The following JAKMIP1 variants were observed in gnomAD, a reference collection of about 807,000 sequenced individuals.
JAKMIP1 encodes the protein janus kinase and microtubule interacting protein 1.
In JAKMIP1, 33 loss-of-function variants were observed where a neutral mutation model predicts 113.0. That is an observed-to-expected ratio of 0.29 (90% CI 0.22 to 0.39). JAKMIP1 has a LOEUF of 0.39. Among genes scored for constraint, JAKMIP1 ranks in the 10% least tolerant of loss-of-function variants. The pLI is 1.00. For missense variants in JAKMIP1, 813 were observed against 1,080.5 expected, an observed-to-expected ratio of 0.75 and a Z score of 3.47; for synonymous variants, 480 against 459.9, an observed-to-expected ratio of 1.04 and a Z score of -0.56.
Position 6,049,720 on chromosome 4 carries a change from A to C in JAKMIP1, c.1962+99T>G. 1 of 886,908 alleles carries C rather than the reference A, an allele frequency of 1.1e-6. No homozygotes were observed. Among genetic ancestry groups the C allele is most frequent in the South Asian group, 1.5e-5 (1 of 67,510 alleles). The allele number at this position is 886,908 out of a possible 1,614,324, so 54.9% of individuals were successfully genotyped here. A position where few individuals can be genotyped will look rare whatever the true frequency, so the allele number is the denominator to read the frequency against. On this transcript the variant is annotated intron_variant, in intron 15 of 20. Coordinates refer to ENST00000409021, the MANE Select transcript of JAKMIP1 (RefSeq NM_001099433.2). The surrounding 1 kb of genome is among the most constrained non-coding windows in gnomAD (Gnocchi z 7.0). ...ACATTGTACTTCTTAGATCTCTTACATCAGAGAGAAATTAAAAACAAAACA... is the reference window on the plus strand; with the variant it reads ...ACATTGTACTTCTTAGATCTCTTACCTCAGAGAGAAATTAAAAACAAAACA...
At position 6,105,617 on chromosome 4, in the gene JAKMIP1, T is replaced by C. The variant is rs1480714219; in HGVS notation, c.480A>G (p.Ala160=). The C allele has an allele frequency of 1.3e-6, 2 of 1,595,372 alleles. No individual in the cohort carries two copies. Among genetic ancestry groups the C allele is most frequent in the Non-Finnish European group, 1.7e-6 (2 of 1,171,386 alleles). ...GCGCCTCCTCTGCCTGCTTGCGCGC[T>C]GCCTTGAGCTCCAGGATCTCCTGCT... ...RLQQEILELK[A]ARKQAEEALS... Residue 160 remains alanine (A), a synonymous_variant, in exon 3 of 21, where the codon GCA becomes GCG. Coordinates refer to ENST00000409021, the MANE Select transcript of JAKMIP1 (RefSeq NM_001099433.2).
chr4:6,045,336 G>A lies in JAKMIP1; in HGVS notation c.2029-3109C>T, dbSNP rs11935825. 2.6e-3 allele frequency among the ~76,000 whole-genome samples: 391 copies of A among 152,336 alleles called. 1 individual carries two copies. Among genetic ancestry groups the A allele is most frequent in the African/African-American group, 8.3e-3 (344 of 41,566 alleles). ...AACCCTCCAATGTCTCATGGTTCAG[G>A]TTCTCTGTGGGGCACGTGCCATGTG... On this transcript the variant is annotated intron_variant, in intron 16 of 20. Transcript: ENST00000409021.
In JAKMIP1 at chr4:6,044,592, T is replaced by C. The variant is rs912778190; in HGVS notation, c.2029-2365A>G. 6.6e-6 allele frequency among the ~76,000 whole-genome samples: 1 copy of C among 152,214 alleles called. No individual in the cohort carries two copies. The highest frequency in any genetic ancestry group is 2.4e-5 in the African/African-American group (1 of 41,442). On this transcript the variant is annotated intron_variant, in intron 16 of 20. Transcript: ENST00000409021. This position sits in a 1 kb window ranked among gnomAD's most constrained non-coding sequence, Gnocchi z 4.4. ...ATGGGGAGTTACAGGTATTTCAGTTTTAATATCCTCATGCAAGCAGTCATA... is the reference window on the plus strand; with the variant it reads ...ATGGGGAGTTACAGGTATTTCAGTTCTAATATCCTCATGCAAGCAGTCATA...
At position 6,156,034 on chromosome 4, in the gene JAKMIP1, T is replaced by G. The variant is rs1276170840; in HGVS notation, c.-147-43037A>C. On this transcript the variant is annotated intron_variant, in intron 1 of 20. Transcript: ENST00000409021. This position sits in a 1 kb window ranked among gnomAD's most constrained non-coding sequence, Gnocchi z 5.0. ...GTGCGTAGAACAGTGCCCAGCACAATAATGGATCTTCAAGAAATATTTGGT... is the reference window on the plus strand; with the variant it reads ...GTGCGTAGAACAGTGCCCAGCACAAGAATGGATCTTCAAGAAATATTTGGT... Among the ~76,000 whole-genome samples the G allele has an allele frequency of 6.6e-6, 1 of 152,230 alleles. No individual in the cohort carries two copies. The highest frequency in any genetic ancestry group is 2.1e-4 in the South Asian group (1 of 4,832).
In JAKMIP1 at chr4:6,085,032, G is replaced by C. The variant is rs890599485; in HGVS notation, c.835-67C>G. The C allele has an allele frequency of 2.2e-5, 33 of 1,500,674 alleles. No homozygotes were observed. In the African/African-American group the frequency reaches 4.8e-4, roughly 22 times the overall value. The allele number at this position is 1,500,674 out of a possible 1,614,324, so 93.0% of individuals were successfully genotyped here. ...ATGTACTTTGAAGAAGTTGTGTGGA[G>C]CCTTCTTAGAAAATTCACATGACAT... On this transcript the variant is annotated intron_variant, in intron 4 of 20. Transcript: ENST00000409021.
At chr4:6,134,722 G>A (rs1046288371) in intron 1 of JAKMIP1, among the ~76,000 whole-genome samples, 2 of 152,206 alleles carry the variant, frequency 1.3e-5, no homozygotes, top group African/African-American at 4.8e-5. Flanking sequence ...CAGCTCTTGA[G>A]TGCCTGTGAA....
At position 6,143,346 on chromosome 4, in the gene JAKMIP1, G is replaced by A. The variant is rs1217682424; in HGVS notation, c.-147-30349C>T. 6.6e-6 allele frequency among the ~76,000 whole-genome samples: 1 copy of A among 152,212 alleles called. No homozygotes were observed. The highest frequency in any genetic ancestry group is 1.5e-5 in the Non-Finnish European group (1 of 68,044). The stretch of plus-strand genomic sequence containing the variant: ...TCAGCCAATTCTGGGATCTGGGTGT[G>A]GGAAGCCTCCTTTGCCATCAGCAAG... On this transcript the variant is annotated intron_variant, in intron 1 of 20. Transcript: ENST00000409021. The surrounding 1 kb of genome is among the most constrained non-coding windows in gnomAD (Gnocchi z 4.9).
rs1715596747 is a variant in JAKMIP1, at chr4:6,051,054, G to C, written c.1807-375C>G. On this transcript the variant is annotated intron_variant, in intron 13 of 20. Coordinates refer to ENST00000409021, the MANE Select transcript of JAKMIP1 (RefSeq NM_001099433.2). This position sits in a 1 kb window ranked among gnomAD's most constrained non-coding sequence, Gnocchi z 5.0. ...AACTATGGTTTATTACTCTGTGCCAGGCACACCACTCTCCCGTCTAATCCT... is the reference window on the plus strand; with the variant it reads ...AACTATGGTTTATTACTCTGTGCCACGCACACCACTCTCCCGTCTAATCCT... Among the ~76,000 whole-genome samples the C allele has an allele frequency of 6.6e-6, 1 of 152,190 alleles. No homozygotes were observed. The highest frequency in any genetic ancestry group is 2.4e-5 in the African/African-American group (1 of 41,456).
In JAKMIP1 at chr4:6,076,945, G is replaced by A. The variant is rs910404702; in HGVS notation, c.1302+1994C>T. Among the ~76,000 whole-genome samples the A allele has an allele frequency of 6.6e-6, 1 of 152,170 alleles. No homozygotes were observed. The highest frequency in any genetic ancestry group is 1.5e-5 in the Non-Finnish European group (1 of 68,030). ...ATTTCCCTGGCCTCATGTTGGTGCT[G>A]AGAAAGTTTCAGATTTTGGAGCATT... On this transcript the variant is annotated intron_variant, in intron 8 of 20. Transcript: ENST00000409021. The surrounding 1 kb of genome is among the most constrained non-coding windows in gnomAD (Gnocchi z 4.8).
intron 1 of JAKMIP1, among the ~76,000 whole-genome samples, chr4:6,149,262 A>G (rs982812462): frequency 1.1e-4 from 16 of 152,236 alleles, no homozygotes; most frequent in Non-Finnish European, 2.1e-4. Flanking sequence ...CAAATAAAAA[A>G]TGTGAGAGTT....
chr4:6,060,467 G>A lies in JAKMIP1; in HGVS notation c.1601C>T (p.Ala534Val), dbSNP rs1186926100. 3 of 1,614,102 alleles carry A rather than the reference G, an allele frequency of 1.9e-6. No individual in the cohort carries two copies. Among genetic ancestry groups the A allele is most frequent in the Non-Finnish European group, 2.5e-6 (3 of 1,179,990 alleles). ...TAACTTCTCCAAATCTTCGATTTTG[G>A]CCTGACACCTCAGCAGATCAGCTTG... Reference protein sequence around the residue: ...QLQADLLRCQAKIEDLEKLLV... With the variant: ...QLQADLLRCQVKIEDLEKLLV... The change falls in exon 11 of 21, where the codon GCC becomes GTC. Residue 534 changes from alanine to valine, a missense_variant. Transcript: ENST00000409021.
At chr4:6,085,973 G>A (rs966798180) in intron 3 of JAKMIP1, among the ~76,000 whole-genome samples, 1 of 151,940 alleles carries the variant, frequency 6.6e-6, no homozygotes, top group Non-Finnish European at 1.5e-5. Flanking sequence ...CAGCTTCTTG[G>A]CAGAGCTGGC....
intron 2 of JAKMIP1, 122 bp downstream of exon 2, chr4:6,112,600 G>C (rs997866493): frequency 8.5e-6 from 10 of 1,180,158 alleles, no homozygotes; most frequent in Non-Finnish European, 1.2e-5. Context: ...AGGGCAGAGA[G>C]GTGAAGTGCC....
chr4:6,112,721 C>A lies in JAKMIP1; in HGVS notation c.129+1G>T, dbSNP rs1324398079. The A allele has an allele frequency of 6.2e-7, 1 of 1,613,482 alleles. No homozygotes were observed. The highest frequency in any genetic ancestry group is 8.5e-7 in the Non-Finnish European group (1 of 1,179,874). On this transcript the variant is annotated splice_donor_variant, in intron 2 of 20. Coordinates refer to ENST00000409021, the MANE Select transcript of JAKMIP1 (RefSeq NM_001099433.2). LOFTEE classifies it high-confidence loss of function. ...GCTGCTGAGCTGACGCCAACCCCCA[C>A]CTTGCTTTTTTCCTGCTGGAACTCG...
intron 16 of JAKMIP1, among the ~76,000 whole-genome samples, chr4:6,043,814 T>TG (rs2108759251): frequency 6.6e-6 from 1 of 151,948 alleles, no homozygotes; most frequent in South Asian, 2.1e-4. Flanking sequence ...ATCCCTGTTC[T>TG]GCTCAGAGAC....
intron 3 of JAKMIP1, among the ~76,000 whole-genome samples, chr4:6,096,361 T>C (rs961198722): frequency 6.6e-5 from 10 of 152,232 alleles, no homozygotes; most frequent in Admixed American, 2.0e-4. Flanking sequence ...TAAATTCCCA[T>C]TGTTCCTCTT....
At chr4:6,053,118 A>G (rs779685207) in intron 13 of JAKMIP1, among the ~76,000 whole-genome samples, 13 of 152,254 alleles carry the variant, frequency 8.5e-5, no homozygotes, top group Non-Finnish European at 1.8e-4. Context: ...AGAGAAACTC[A>G]TCACAAACTT....
chr4:6,142,272 T>C lies in JAKMIP1; in HGVS notation c.-147-29275A>G, dbSNP rs1457788136. ...TGGAGAGATTCCCTTTCCAATTCAC[T>C]GGCCAAACGCTGCAAAGTTTCGAAG... On this transcript the variant is annotated intron_variant, in intron 1 of 20. Transcript: ENST00000409021. This position sits in a 1 kb window ranked among gnomAD's most constrained non-coding sequence, Gnocchi z 5.5. 6.6e-6 allele frequency among the ~76,000 whole-genome samples: 1 copy of C among 152,210 alleles called. No individual in the cohort carries two copies. The highest frequency in any genetic ancestry group is 1.5e-5 in the Non-Finnish European group (1 of 68,046).
At position 6,067,241 on chromosome 4, in the gene JAKMIP1, G is replaced by A. The variant is rs190433309; in HGVS notation, c.1303-2233C>T. 6.6e-6 allele frequency among the ~76,000 whole-genome samples: 1 copy of A among 152,302 alleles called. No individual in the cohort carries two copies. On this transcript the variant is annotated intron_variant, in intron 8 of 20. Coordinates refer to ENST00000409021, the MANE Select transcript of JAKMIP1 (RefSeq NM_001099433.2). This position sits in a 1 kb window ranked among gnomAD's most constrained non-coding sequence, Gnocchi z 4.6. ...TTCTCGACTGTATCCCAGTGTTAAT[G>A]AACTCAAAGCCACACTAGTTTGTCT...
Sources: allele counts gnomAD v4.1 joint callset (sites outside exome capture counted in the v4.1 genomes callset), GRCh38; gene constraint gnomAD v4.1.1; non-coding constraint Gnocchi (gnomAD v3.1); transcripts MANE v1.5; gene names NCBI Gene and HGNC (gene_info 2026-07-23, HGNC 2026-07-21).